The following KIAA1217 variants were observed in gnomAD, a reference collection of about 807,000 sequenced individuals.
KIAA1217 encodes the protein KIAA1217, also known as sickle tail protein homolog.
A neutral mutation model predicts 163.9 loss-of-function variants in KIAA1217; 88 were observed. The ratio of observed to expected loss-of-function variants is 0.54; its 90% CI spans 0.45 to 0.64. The LOEUF is 0.64. Among genes scored for constraint, KIAA1217 ranks in the 30% least tolerant of loss-of-function variants. The pLI is 0.00. For missense variants in KIAA1217, 2,372 were observed against 2,475.0 expected, an observed-to-expected ratio of 0.96 and a Z score of 0.88; for synonymous variants, 903 against 923.1, an observed-to-expected ratio of 0.98 and a Z score of 0.39.
At chr10:23,750,470 C>T (rs1479002127) in intron 1 of KIAA1217, among the ~76,000 whole-genome samples, 3 of 152,130 alleles carry the variant, frequency 2.0e-5, no homozygotes, top group African/African-American at 7.2e-5. Context: ...ACCTCCTCTT[C>T]ACAGTTTGGC....
rs762413928 is a variant in KIAA1217 at position 24,257,952 on chromosome 10, A to G, written c.354+38043A>G. On this transcript the variant is annotated intron_variant, in intron 2 of 20. Transcript: ENST00000376454. ...CTTTCTCTTCCTTCAGTGGGCAACAAAGATGGCCACAGAAGCAGAGAGGGG... is the reference window on the plus strand; with the variant it reads ...CTTTCTCTTCCTTCAGTGGGCAACAGAGATGGCCACAGAAGCAGAGAGGGG... Among the ~76,000 whole-genome samples the G allele has an allele frequency of 3.5e-4, 53 of 152,178 alleles. 1 individual carries two copies. The highest frequency in any genetic ancestry group is 3.4e-3 in the Admixed American group (52 of 15,286).
intron 3 of KIAA1217, among the ~76,000 whole-genome samples, chr10:24,382,234 G>T (rs2053413767): frequency 6.6e-6 from 1 of 152,196 alleles, no homozygotes. Flanking sequence ...GACAGGAAAA[G>T]AGTCAACATG....
chr10:24,431,952 G>A (rs778282060), intron 3 of KIAA1217, among the ~76,000 whole-genome samples: 9 of 152,034 alleles, frequency 5.9e-5, no homozygotes, highest in Non-Finnish European at 1.2e-4. Flanking sequence ...CAGAAATCTT[G>A]TTGCATTTCC....
rs541921188 is a variant in KIAA1217 at position 24,381,468 on chromosome 10, G to A, written c.553+401G>A. ...GAGCAAGCATTACCGCCTGAGCTCCGCCTCCTGTCAGATCAGCTGTGGCAT... is the reference window on the plus strand; with the variant it reads ...GAGCAAGCATTACCGCCTGAGCTCCACCTCCTGTCAGATCAGCTGTGGCAT... On this transcript the variant is annotated intron_variant, in intron 3 of 20. Transcript: ENST00000376454. Among the ~76,000 whole-genome samples, 11 of 152,250 alleles carry A rather than the reference G, an allele frequency of 7.2e-5. 1 individual carries two copies. The South Asian group carries it at 1.2e-3, about 17-fold the overall frequency.
At chr10:24,218,167 CTATT>C (rs2069084062) in intron 1 of KIAA1217, among the ~76,000 whole-genome samples, 1 of 152,114 alleles carries the variant, frequency 6.6e-6, no homozygotes, top group Non-Finnish European at 1.5e-5. Flanking sequence ...TCTCCCTAAT[CTATT>C]TGTTTTTTTT....
chr10:24,019,525 T>C (rs935669446), intron 2 of KIAA1217, among the ~76,000 whole-genome samples: 2 of 151,928 alleles, frequency 1.3e-5, no homozygotes, highest in Admixed American at 6.6e-5. Flanking sequence ...ACATTTCAGA[T>C]TGAAGATTTG....
rs146569927 is a variant in KIAA1217 at position 24,492,732 on chromosome 10, G to T, written c.1680-1768G>T. On this transcript the variant is annotated intron_variant, in intron 6 of 20. Transcript: ENST00000376454. ...CATTCCAAAGGCAAAACTCAAGGCC[G>T]CAATGCTTGAGTTGGACAAAATTAC... 5.9e-5 allele frequency among the ~76,000 whole-genome samples: 9 copies of T among 152,150 alleles called. No individual in the cohort carries two copies. The East Asian group carries it at 9.7e-4, about 16-fold the overall frequency.
intron 2 of KIAA1217, among the ~76,000 whole-genome samples, chr10:24,163,971 CG>C (rs1277398160): frequency 6.6e-6 from 1 of 152,042 alleles, no homozygotes; most frequent in Admixed American, 6.6e-5. Flanking sequence ...TGAGTCCAGC[CG>C]GGGCAACATA....
chr10:23,768,046 A>G (rs1406097815), intron 1 of KIAA1217, among the ~76,000 whole-genome samples: 1 of 152,216 alleles, frequency 6.6e-6, no homozygotes, highest in Non-Finnish European at 1.5e-5. Context: ...GACCTGGGAG[A>G]AGTTACCTCC....
At chr10:23,879,767 G>A (rs771504131) in intron 1 of KIAA1217, among the ~76,000 whole-genome samples, 4 of 151,712 alleles carry the variant, frequency 2.6e-5, no homozygotes, top group Non-Finnish European at 4.4e-5. Context: ...TTTTTAAGAT[G>A]GTAAAAAGAG....
intron 2 of KIAA1217, among the ~76,000 whole-genome samples, chr10:24,258,337 C>G (rs1215080802): frequency 6.6e-6 from 1 of 152,198 alleles, no homozygotes. Context: ...GACACACACA[C>G]ACAGACATGA....
At chr10:24,484,241 A>ATATATATATATATATATATATTTTTT (rs1376083298) in intron 6 of KIAA1217, among the ~76,000 whole-genome samples, 3 of 75,162 alleles carry the variant, frequency 4.0e-5, no homozygotes, top group Admixed American at 1.8e-4. Flanking sequence ...ATATATATAT[A>ATATATATATATATATATATATTTTTT]TTTTTTTTTT....
chr10:24,270,735 T>G (rs779956030), intron 2 of KIAA1217, among the ~76,000 whole-genome samples: 8 of 152,122 alleles, frequency 5.3e-5, no homozygotes, highest in Non-Finnish European at 1.2e-4. Context: ...TTAGTAGTTA[T>G]GGGGTTTCAC....
chr10:23,840,189 CT>C (rs1341148562), intron 1 of KIAA1217, among the ~76,000 whole-genome samples: 3 of 150,042 alleles, frequency 2.0e-5, no homozygotes, highest in African/African-American at 7.4e-5. Flanking sequence ...AAGTTTTGCT[CT>C]TGTTGCCTAG....
At chr10:23,872,205 C>T (rs1336327632) in intron 1 of KIAA1217, among the ~76,000 whole-genome samples, 1 of 151,986 alleles carries the variant, frequency 6.6e-6, no homozygotes, top group Non-Finnish European at 1.5e-5. Flanking sequence ...GAAAAGTGAA[C>T]GTCATCACCT....
chr10:24,225,741 G>A (rs1377352485), intron 2 of KIAA1217, among the ~76,000 whole-genome samples: 2 of 152,192 alleles, frequency 1.3e-5, no homozygotes. Flanking sequence ...TTGCAGTACT[G>A]CAGTACTTAC....
rs574132319 is a variant in KIAA1217 at position 24,218,727 on chromosome 10, G to T, written c.71-899G>T. ...GATGGTCTCGATCTCCTGACCTCGT[G>T]ATTCACCCGCCTCGGCCTCCCAAAG... On this transcript the variant is annotated intron_variant, in intron 1 of 20. Coordinates refer to ENST00000376454, the MANE Select transcript of KIAA1217 (RefSeq NM_019590.5). Among the ~76,000 whole-genome samples the T allele has an allele frequency of 2.0e-5, 3 of 152,180 alleles. No individual in the cohort carries two copies. In the South Asian group the frequency reaches 6.2e-4, roughly 32 times the overall value.
At chr10:23,775,240 A>T (rs556013125) in intron 1 of KIAA1217, among the ~76,000 whole-genome samples, 2 of 152,148 alleles carry the variant, frequency 1.3e-5, no homozygotes, top group Non-Finnish European at 2.9e-5. Flanking sequence ...AGAGACATTT[A>T]TGAGTAGTAT....
At chr10:23,966,727 A>T (rs1407307979) in intron 1 of KIAA1217, among the ~76,000 whole-genome samples, 1 of 152,222 alleles carries the variant, frequency 6.6e-6, no homozygotes. Flanking sequence ...TAGTTTTATG[A>T]TTTAGACTGG....
Sources: allele counts gnomAD v4.1 joint callset (sites outside exome capture counted in the v4.1 genomes callset), GRCh38; gene constraint gnomAD v4.1.1; transcripts MANE v1.5; gene names NCBI Gene and HGNC (gene_info 2026-07-23, HGNC 2026-07-21).